PRMT1: variants seen among roughly 807,000 people sequenced by gnomAD.
The protein encoded by PRMT1 is protein arginine N-methyltransferase 1.
PRMT1 carries 5 observed loss-of-function variants against 47.4 expected under a neutral mutation model. The observed-to-expected ratio is 0.11, with a 90% CI of 0.06 to 0.22. PRMT1 has a LOEUF of 0.22. PRMT1 is among the 10% of genes least tolerant of loss of function. The pLI, the probability that PRMT1 is intolerant of heterozygous loss-of-function variation, is 1.00. For missense variants in PRMT1, 249 were observed against 518.4 expected, an observed-to-expected ratio of 0.48 and a Z score of 5.05; for synonymous variants, 227 against 204.6, an observed-to-expected ratio of 1.11 and a Z score of -0.94.
intron 10 of PRMT1, among the ~76,000 whole-genome samples, chr19:49,687,201 C>CT (rs2082220856): frequency 1.3e-5 from 2 of 152,006 alleles, no homozygotes. Flanking sequence ...GCTCCCCTTT[C>CT]TTTTTCCTCC....
rs1294215382 is a variant in PRMT1 at position 49,680,774 on chromosome 19, A to T, written c.192+186A>T. 6.6e-6 allele frequency among the ~76,000 whole-genome samples: 1 copy of T among 152,230 alleles called. No homozygotes were observed. Among genetic ancestry groups the T allele is most frequent in the Admixed American group, 6.5e-5 (1 of 15,290 alleles). ...TGCCTTGGAGACCGAGGTTAGCCTG[A>T]ATCTCTGCAGGGGCCTCGCGCCGAA... On this transcript the variant is annotated intron_variant, in intron 3 of 10. Coordinates refer to ENST00000454376, the MANE Select transcript of PRMT1 (RefSeq NM_001536.6). The surrounding 1 kb of genome is among the most constrained non-coding windows in gnomAD (Gnocchi z 4.2).
At chr19:49,687,208 C>T (rs181287788) in intron 10 of PRMT1, among the ~76,000 whole-genome samples, 15 of 152,118 alleles carry the variant, frequency 9.9e-5, no homozygotes, top group East Asian at 5.8e-4. Context: ...TTTCTTTTTC[C>T]TCCTGAGCAC....
chr19:49,677,246 C>T, upstream of PRMT1: 2 of 1,414,064 alleles, frequency 1.4e-6, no homozygotes, highest in Middle Eastern at 1.9e-4. Flanking sequence ...AAGGGGGGGT[C>T]TTGGCGGCCG....
upstream of PRMT1, chr19:49,677,203 C>G: frequency 7.5e-7 from 1 of 1,327,828 alleles, no homozygotes; most frequent in African/African-American, 1.5e-5. Context: ...CGTGGACCCT[C>G]TGGTATAAGG....
chr19:49,684,848 G>GCGGCC lies in PRMT1; in HGVS notation c.643+11_643+15dup. On this transcript the variant is annotated splice_region_variant and intron_variant, in intron 7 of 10. Transcript: ENST00000454376. This position sits in a 1 kb window ranked among gnomAD's most constrained non-coding sequence, Gnocchi z 6.2. ...AAAGACTACAAGATCCACTGTGAGC[G>GCGGCC]CGGCCCGGGAGCTGGCGGGCGGGGC... The GCGGCC allele has an allele frequency of 1.2e-6, 2 of 1,612,304 alleles. No homozygotes were observed. The highest frequency in any genetic ancestry group is 1.7e-6 in the Non-Finnish European group (2 of 1,178,940).
In PRMT1 at chr19:49,684,318, G is replaced by GGGAGAGGTGAGGTGAC. The variant is rs2082171606; in HGVS notation, c.555+259_555+274dup. On this transcript the variant is annotated intron_variant, in intron 6 of 10. Coordinates refer to ENST00000454376, the MANE Select transcript of PRMT1 (RefSeq NM_001536.6). This position sits in a 1 kb window ranked among gnomAD's most constrained non-coding sequence, Gnocchi z 6.2. ...TCCTTAGGCCCCAGCAGGCCTCCCC[G>GGGAGAGGTGAGGTGAC]GGAGAGGTGAGGTGACGGAGAGGTG... 6.6e-6 allele frequency among the ~76,000 whole-genome samples: 1 copy of GGGAGAGGTGAGGTGAC among 152,100 alleles called. No individual in the cohort carries two copies. Among genetic ancestry groups the GGGAGAGGTGAGGTGAC allele is most frequent in the Non-Finnish European group, 1.5e-5 (1 of 68,010 alleles).
rs1452364986 is a variant in PRMT1, at chr19:49,688,074, C to A, written c.1033-88C>A. On this transcript the variant is annotated intron_variant, in intron 10 of 10. Transcript: ENST00000454376. The surrounding 1 kb of genome is among the most constrained non-coding windows in gnomAD (Gnocchi z 5.3). ...TGGAGATGGGCAGGAAGCTGGAGCCCGGCTCATCGTCGCATAGCCTGCCTG... is the reference window on the plus strand; with the variant it reads ...TGGAGATGGGCAGGAAGCTGGAGCCAGGCTCATCGTCGCATAGCCTGCCTG... 2 of 1,164,530 alleles carry A rather than the reference C, an allele frequency of 1.7e-6. No homozygotes were observed. Among genetic ancestry groups the A allele is most frequent in the East Asian group, 4.7e-5 (2 of 42,754 alleles). 72.1% of individuals were successfully genotyped at this position (1,164,530 alleles called of 1,614,324 possible).
rs751837697 is a variant in PRMT1 at position 49,685,130 on chromosome 19, T to A, written c.759+93T>A. 2 of 1,581,794 alleles carry A rather than the reference T, an allele frequency of 1.3e-6. No homozygotes were observed. The highest frequency in any genetic ancestry group is 2.3e-5 in the South Asian group (2 of 87,874). On this transcript the variant is annotated intron_variant, in intron 8 of 10. Transcript: ENST00000454376. This position sits in a 1 kb window ranked among gnomAD's most constrained non-coding sequence, Gnocchi z 4.7. Reference sequence around the variant, plus strand: ...GCATGGGACTTTGGGGCCCAGAATGTTGGCCTGAGGTCTCAGAGCCTGATC... The same window carrying A: ...GCATGGGACTTTGGGGCCCAGAATGATGGCCTGAGGTCTCAGAGCCTGATC...
chr19:49,688,332 C>A lies in PRMT1; in HGVS notation c.*87C>A. ...TCCCCCTTCCTCTCCCTCCCTCCCGCAGAAGGGGGTTTTAGGGGCCTGGGC... is the reference window on the plus strand; with the variant it reads ...TCCCCCTTCCTCTCCCTCCCTCCCGAAGAAGGGGGTTTTAGGGGCCTGGGC... On this transcript the variant is annotated 3_prime_UTR_variant, in exon 11 of 11. Transcript: ENST00000454376. The surrounding 1 kb of genome is among the most constrained non-coding windows in gnomAD (Gnocchi z 5.3). 7.5e-7 allele frequency: 1 copy of A among 1,339,592 alleles called. No homozygotes were observed. Among genetic ancestry groups the A allele is most frequent in the Non-Finnish European group, 1.1e-6 (1 of 939,630 alleles). The allele number at this position is 1,339,592 out of a possible 1,614,324, so 83.0% of individuals were successfully genotyped here.
chr19:49,680,623 G>A lies in PRMT1; in HGVS notation c.192+35G>A. On this transcript the variant is annotated intron_variant, in intron 3 of 10. Transcript: ENST00000454376. The surrounding 1 kb of genome is among the most constrained non-coding windows in gnomAD (Gnocchi z 4.2). ...GACAGTCCCCAAGGCCCCAATCTTA[G>A]GGGGGCTTAAATGTTGGGGAAGGGG... 5 of 1,507,408 alleles carry A rather than the reference G, an allele frequency of 3.3e-6. No homozygotes were observed. The highest frequency in any genetic ancestry group is 3.7e-6 in the Non-Finnish European group (4 of 1,083,718). 93.4% of individuals were successfully genotyped at this position (1,507,408 alleles called of 1,614,324 possible). A position where few individuals can be genotyped will look rare whatever the true frequency, so the allele number is the denominator to read the frequency against.
At chr19:49,679,763 A>G in intron 1 of PRMT1, 109 bp from the exon 2 acceptor site, 1 of 789,166 alleles carries the variant, frequency 1.3e-6, no homozygotes, top group Non-Finnish European at 2.2e-6. Context: ...CCCACCAAGA[A>G]GGAGAATTGC....
chr19:49,684,667 C>G lies in PRMT1; in HGVS notation c.556-87C>G. ...CGCTGCGACATGAGGGTGGCCCAGA[C>G]CAGGGCAGGAGGCCACATCTTGGAG... On this transcript the variant is annotated intron_variant, in intron 6 of 10. Coordinates refer to ENST00000454376, the MANE Select transcript of PRMT1 (RefSeq NM_001536.6). The surrounding 1 kb of genome is among the most constrained non-coding windows in gnomAD (Gnocchi z 6.2). 2 of 1,405,678 alleles carry G rather than the reference C, an allele frequency of 1.4e-6. No individual in the cohort carries two copies. Among genetic ancestry groups the G allele is most frequent in the Non-Finnish European group, 2.0e-6 (2 of 1,021,186 alleles). 87.1% of individuals were successfully genotyped at this position (1,405,678 alleles called of 1,614,324 possible). A position where few individuals can be genotyped will look rare whatever the true frequency, so the allele number is the denominator to read the frequency against.
At chr19:49,677,157 C>A, upstream of PRMT1, 1 of 934,562 alleles carries the variant, frequency 1.1e-6, no homozygotes, top group Non-Finnish European at 1.5e-6. Flanking sequence ...CCTCCATTGC[C>A]AATGAAATCT....
rs1023570035 is a variant in PRMT1, at chr19:49,680,041, ACCCCAGGC to A, written c.90+123_90+130del. 20 of 1,250,646 alleles carry A rather than the reference ACCCCAGGC, an allele frequency of 1.6e-5. No individual in the cohort carries two copies. In the African/African-American group the frequency reaches 2.4e-4, roughly 15 times the overall value. 77.5% of individuals were successfully genotyped at this position (1,250,646 alleles called of 1,614,324 possible). The stretch of plus-strand genomic sequence containing the variant: ...TACCCCTCTTGCTTCAAACCAGTTT[ACCCCAGGC>A]CCCCAGACACTTAGTAGCAACCCCT... On this transcript the variant is annotated intron_variant, in intron 2 of 10. Transcript: ENST00000454376. The surrounding 1 kb of genome is among the most constrained non-coding windows in gnomAD (Gnocchi z 4.2).
chr19:49,683,815 C>A, intron 5 of PRMT1, 112 bp from the exon 6 acceptor site: 1 of 1,210,414 alleles, frequency 8.3e-7, no homozygotes, highest in Non-Finnish European at 1.2e-6. Flanking sequence ...ATGGCTTCTG[C>A]TCACGCAGTT....
chr19:49,685,539 C>A lies in PRMT1; in HGVS notation c.759+502C>A, dbSNP rs2082192295. Reference sequence around the variant, plus strand: ...TTTTGTTTTTTTTTACTTCTGAGACCCTGTTTAAAAAAAAAAAATACGGCG... The same window carrying A: ...TTTTGTTTTTTTTTACTTCTGAGACACTGTTTAAAAAAAAAAAATACGGCG... On this transcript the variant is annotated intron_variant, in intron 8 of 10. Transcript: ENST00000454376. The surrounding 1 kb of genome is among the most constrained non-coding windows in gnomAD (Gnocchi z 4.7). 2 of 1,018,754 alleles carry A rather than the reference C, an allele frequency of 2.0e-6. No individual in the cohort carries two copies. The highest frequency in any genetic ancestry group is 2.4e-6 in the Non-Finnish European group (2 of 850,108). The allele number at this position is 1,018,754 out of a possible 1,614,324, so 63.1% of individuals were successfully genotyped here. A position where few individuals can be genotyped will look rare whatever the true frequency, so the allele number is the denominator to read the frequency against.
Position 49,684,000 on chromosome 19 carries a change from G to A in PRMT1, c.486G>A (p.Glu162=), listed in dbSNP as rs2082165373. The A allele has an allele frequency of 6.2e-7, 1 of 1,614,074 alleles. No individual in the cohort carries two copies. Among genetic ancestry groups the A allele is most frequent in the Admixed American group, 1.7e-5 (1 of 59,992 alleles). The change falls in exon 6 of 11, where the codon GAG becomes GAA. Residue 162 remains glutamate, a synonymous_variant. Coordinates refer to ENST00000454376, the MANE Select transcript of PRMT1 (RefSeq NM_001536.6). ...PVEKVDIIIS[E]WMGYCLFYES... ...AGAAGGTGGACATCATCATCAGCGA[G>A]TGGATGGGCTACTGCCTCTTCTACG... is the stretch of plus-strand genomic sequence containing the variant.
In PRMT1 at chr19:49,684,063, G is replaced by A. The variant is rs2082166197; in HGVS notation, c.549G>A (p.Lys183=). 10 of 1,614,052 alleles carry A rather than the reference G, an allele frequency of 6.2e-6. No individual in the cohort carries two copies. The highest frequency in any genetic ancestry group is 5.9e-6 in the Non-Finnish European group (7 of 1,180,020). ...ACACCGTGCTCTATGCCCGGGACAAGTGGCTGGTGAGGCCCCAGCGGGACG... is the reference window on the plus strand; with the variant it reads ...ACACCGTGCTCTATGCCCGGGACAAATGGCTGGTGAGGCCCCAGCGGGACG... ...MLNTVLYARD[K]WLAPDGLIFP... The change falls in exon 6 of 11, where the codon AAG becomes AAA. Residue 183 remains lysine (K), a synonymous_variant. Coordinates refer to ENST00000454376, the MANE Select transcript of PRMT1 (RefSeq NM_001536.6). The surrounding 1 kb of genome is among the most constrained non-coding windows in gnomAD (Gnocchi z 6.2).
In PRMT1 at chr19:49,685,327, C is replaced by T. The variant is rs2082188965; in HGVS notation, c.759+290C>T. ...TGCACGGAAAGGCAGGACCCCAGGG[C>T]GATGAGCGGATGCACATGCACGCGG... is the stretch of plus-strand genomic sequence containing the variant. On this transcript the variant is annotated intron_variant, in intron 8 of 10. Coordinates refer to ENST00000454376, the MANE Select transcript of PRMT1 (RefSeq NM_001536.6). This position sits in a 1 kb window ranked among gnomAD's most constrained non-coding sequence, Gnocchi z 4.7. 21 of 1,339,438 alleles carry T rather than the reference C, an allele frequency of 1.6e-5. No individual in the cohort carries two copies. Among genetic ancestry groups the T allele is most frequent in the Middle Eastern group, 2.8e-4 (1 of 3,548 alleles). The allele number at this position is 1,339,438 out of a possible 1,614,324, so 83.0% of individuals were successfully genotyped here. A position where few individuals can be genotyped will look rare whatever the true frequency, so the allele number is the denominator to read the frequency against.
Sources: allele counts gnomAD v4.1 joint callset (sites outside exome capture counted in the v4.1 genomes callset), GRCh38; gene constraint gnomAD v4.1.1; non-coding constraint Gnocchi (gnomAD v3.1); transcripts MANE v1.5; gene names NCBI Gene and HGNC (gene_info 2026-07-23, HGNC 2026-07-21).